MAP6: variants seen among roughly 807,000 people sequenced by gnomAD.
MAP6 encodes the protein microtubule-associated protein 6.
MAP6 carries 26 observed loss-of-function variants against 42.4 expected under a neutral mutation model. That is an observed-to-expected ratio of 0.61 (90% CI 0.45 to 0.85). The LOEUF (loss-of-function observed/expected upper bound fraction) is 0.85. Ranked by LOEUF, MAP6 falls within the 40% of genes least tolerant of loss-of-function variation. The pLI is 0.00. For missense variants in MAP6, 966 were observed against 1,099.0 expected, an observed-to-expected ratio of 0.88 and a Z score of 1.71; for synonymous variants, 418 against 443.8, an observed-to-expected ratio of 0.94 and a Z score of 0.73.
At chr11:75,662,768 G>C (rs1342020745) in intron 1 of MAP6, among the ~76,000 whole-genome samples, 1 of 152,116 alleles carries the variant, frequency 6.6e-6, no homozygotes, top group African/African-American at 2.4e-5. Context: ...CTACACCCCA[G>C]ACCAATGAAA....
Position 75,603,205 on chromosome 11 carries a change from A to T in MAP6, c.1316+2603T>A, listed in dbSNP as rs879011297. The T allele has an allele frequency of 1.0e-5, 10 of 985,372 alleles. No individual in the cohort carries two copies. The South Asian group carries it at 2.8e-4, about 28-fold the overall frequency. 61.0% of individuals were successfully genotyped at this position (985,372 alleles called of 1,614,324 possible). On this transcript the variant is annotated intron_variant, in intron 3 of 3. Coordinates refer to ENST00000304771, the MANE Select transcript of MAP6 (RefSeq NM_033063.2). ...CTTGGGGCTGCTTTTGCAGGCAGGG[A>T]AACAGCGGGAAAGCTTCAGTCCCAG...
intron 1 of MAP6, among the ~76,000 whole-genome samples, chr11:75,639,171 G>T (rs1304780909): frequency 1.3e-5 from 2 of 152,144 alleles, no homozygotes; most frequent in African/African-American, 4.8e-5. Flanking sequence ...GGCGGGTAAA[G>T]GATGAAGAAT....
chr11:75,636,471 G>A (rs900127861), intron 1 of MAP6, among the ~76,000 whole-genome samples: 1 of 152,150 alleles, frequency 6.6e-6, no homozygotes, highest in Non-Finnish European at 1.5e-5. Flanking sequence ...TTACTCTGAT[G>A]TTTTGGCATC....
chr11:75,607,711 G>T (rs1208588817), intron 2 of MAP6: 1 of 983,470 alleles, frequency 1.0e-6, no homozygotes, highest in Non-Finnish European at 1.2e-6. Flanking sequence ...GGCAGGGTCT[G>T]GTGGGAGGGG....
At position 75,587,436 on chromosome 11, in the gene MAP6, C is replaced by T. The variant is rs748693953; in HGVS notation, c.2065G>A (p.Glu689Lys). ...GCAGAATCGTGAACCTTTGCATGCT[C>T]TGGGACTACAACATCTTGATCCTTG... ...PVKDQDVVVP[E>K]HAKVHDSAVV... Residue 689 changes from glutamate to lysine, a missense_variant, in exon 4 of 4, where the codon GAG becomes AAG. This residue lies in a region of MAP6 where 943 missense variants were observed against 1,049.9 expected (regional missense o/e 0.90). Transcript: ENST00000304771. 1.2e-6 allele frequency: 2 copies of T among 1,614,010 alleles called. No individual in the cohort carries two copies. The highest frequency in any genetic ancestry group is 1.3e-5 in the African/African-American group (1 of 74,898).
intron 1 of MAP6, among the ~76,000 whole-genome samples, chr11:75,624,883 A>T (rs1237057833): frequency 6.6e-6 from 1 of 152,178 alleles, no homozygotes. Flanking sequence ...GCATTGTTTC[A>T]TGCCGCTGGG....
intron 3 of MAP6, chr11:75,605,154 G>A (rs76350346): frequency 0.073 from 72,029 of 985,234 alleles, 2,926 homozygotes; most frequent in Non-Finnish European, 0.08. Context: ...TATCAGTGGC[G>A]TATCTATGAC....
chr11:75,663,128 A>T (rs1943885466), intron 1 of MAP6, among the ~76,000 whole-genome samples: 1 of 151,182 alleles, frequency 6.6e-6, no homozygotes, highest in African/African-American at 2.4e-5. Context: ...CGCCCGGCTA[A>T]TTTTTTGTAT....
chr11:75,629,536 A>T (rs1943251919), intron 1 of MAP6, among the ~76,000 whole-genome samples: 1 of 152,178 alleles, frequency 6.6e-6, no homozygotes. Flanking sequence ...TCATGCATTC[A>T]ATAAAGCTTT....
intron 3 of MAP6, among the ~76,000 whole-genome samples, chr11:75,589,068 G>A (rs977510138): frequency 3.3e-5 from 5 of 152,238 alleles, no homozygotes; most frequent in African/African-American, 4.8e-5. Flanking sequence ...ATGGGACTCC[G>A]CTTTCAGGTA....
At position 75,615,829 on chromosome 11, in the gene MAP6, G is replaced by C. The variant is rs975995604; in HGVS notation, c.906-7507C>G. Among the ~76,000 whole-genome samples the C allele has an allele frequency of 3.9e-5, 6 of 152,114 alleles. No homozygotes were observed. In the South Asian group the frequency reaches 8.3e-4, roughly 21 times the overall value. ...TAAGACCTTGTTCCACTTAAGCACA[G>C]TTGCTTGCAGTCATTCAACGGGAGA... On this transcript the variant is annotated intron_variant, in intron 1 of 3. Transcript: ENST00000304771.
At chr11:75,605,730 G>T in intron 3 of MAP6, 78 bp downstream of exon 3, 13 of 1,567,764 alleles carry the variant, frequency 8.3e-6, no homozygotes, top group South Asian at 6.1e-5. Flanking sequence ...GGCCTTTTTT[G>T]GTTTGTTGGT....
chr11:75,668,702 CTCGG>C lies in MAP6; in HGVS notation c.-337_-334del. The C allele has an allele frequency of 4.8e-6, 1 of 209,004 alleles. No homozygotes were observed. Among genetic ancestry groups the C allele is most frequent in the Non-Finnish European group, 9.5e-6 (1 of 105,392 alleles). The allele number at this position is 209,004 out of a possible 1,614,324, so 12.9% of individuals were successfully genotyped here. On this transcript the variant is annotated 5_prime_UTR_variant, in exon 1 of 4. Coordinates refer to ENST00000304771, the MANE Select transcript of MAP6 (RefSeq NM_033063.2). ...CCTGCGGCTGCGGCGGCGCACAGAC[CTCGG>C]TCGAGCGAGGCGACGTGAGGAGAGG... is the stretch of plus-strand genomic sequence containing the variant.
chr11:75,667,373 G>C lies in MAP6; in HGVS notation c.905+92C>G, dbSNP rs1646032078. On this transcript the variant is annotated intron_variant, in intron 1 of 3. Coordinates refer to ENST00000304771, the MANE Select transcript of MAP6 (RefSeq NM_033063.2). This position sits in a 1 kb window ranked among gnomAD's most constrained non-coding sequence, Gnocchi z 5.6. ...GCCTGGGACTGGAGGGAGGCTGCACGCTAGGCCTGCGCTGGGGATCCTGGG... is the reference window on the plus strand; with the variant it reads ...GCCTGGGACTGGAGGGAGGCTGCACCCTAGGCCTGCGCTGGGGATCCTGGG... 8.1e-7 allele frequency: 1 copy of C among 1,227,426 alleles called. No individual in the cohort carries two copies. The highest frequency in any genetic ancestry group is 1.1e-6 in the Non-Finnish European group (1 of 938,168). 76.0% of individuals were successfully genotyped at this position (1,227,426 alleles called of 1,614,324 possible).
chr11:75,657,404 C>A (rs780266869), intron 1 of MAP6, among the ~76,000 whole-genome samples: 8 of 152,178 alleles, frequency 5.3e-5, no homozygotes, highest in Non-Finnish European at 1.5e-5. Flanking sequence ...AGCCACCATG[C>A]CCAGCCTTTG....
At chr11:75,660,142 T>C (rs906554700) in intron 1 of MAP6, among the ~76,000 whole-genome samples, 3 of 152,340 alleles carry the variant, frequency 2.0e-5, no homozygotes, top group South Asian at 2.1e-4. Flanking sequence ...AACTTTTTCA[T>C]GGATATCCCT....
At chr11:75,612,898 G>A (rs1247552192) in intron 1 of MAP6, among the ~76,000 whole-genome samples, 1 of 152,114 alleles carries the variant, frequency 6.6e-6, no homozygotes, top group East Asian at 1.9e-4. Context: ...CCATCTTTGT[G>A]GTTAGCAGGC....
intron 3 of MAP6, among the ~76,000 whole-genome samples, chr11:75,595,972 G>A (rs1048533710): frequency 2.0e-5 from 3 of 152,182 alleles, no homozygotes; most frequent in Non-Finnish European, 2.9e-5. Context: ...CACATGGTAG[G>A]AGGCCTACTT....
intron 3 of MAP6, among the ~76,000 whole-genome samples, chr11:75,595,270 G>A (rs183150395): frequency 2.6e-5 from 4 of 152,316 alleles, no homozygotes; most frequent in Admixed American, 2.6e-4. Context: ...ACTGATCCCT[G>A]TTTTGCACTC....
Sources: gnomAD v4.1 joint callset for allele counts (sites outside exome capture counted in the v4.1 genomes callset) on GRCh38, gnomAD v4.1.1 for gene constraint, gnomAD v4.1.1 regional missense constraint, Gnocchi (gnomAD v3.1) non-coding constraint, MANE v1.5 for transcripts, NCBI Gene and HGNC (gene_info 2026-07-23, HGNC 2026-07-21) for gene names.